The following GRB14 variants were observed in gnomAD, a reference collection of about 807,000 sequenced individuals.
GRB14 encodes the protein growth factor receptor bound protein 14.
A neutral mutation model predicts 69.1 loss-of-function variants in GRB14; 38 were observed. That is an observed-to-expected ratio of 0.55 (90% CI 0.42 to 0.72). The LOEUF (loss-of-function observed/expected upper bound fraction) is 0.72. Among genes scored for constraint, GRB14 ranks in the 30% least tolerant of loss-of-function variants. GRB14 has a pLI of 0.00. For missense variants in GRB14, 666 were observed against 666.1 expected (o/e 1.00, Z 0.00); for synonymous variants, 247 against 241.3 (o/e 1.02, Z -0.22).
intron 8 of GRB14, among the ~76,000 whole-genome samples, chr2:164,505,501 C>G (rs905501073): frequency 3.9e-5 from 6 of 152,162 alleles, no homozygotes; most frequent in Non-Finnish European, 7.3e-5. Flanking sequence ...CAGTGGAACA[C>G]AGCCCCATGC....
At chr2:164,565,872 A>G (rs1208117026) in intron 2 of GRB14, among the ~76,000 whole-genome samples, 1 of 152,180 alleles carries the variant, frequency 6.6e-6, no homozygotes, top group Non-Finnish European at 1.5e-5. Context: ...ATAGATCTAT[A>G]CCACATGAAG....
At chr2:164,506,962 G>C (rs1340484015) in intron 8 of GRB14, among the ~76,000 whole-genome samples, 1 of 152,104 alleles carries the variant, frequency 6.6e-6, no homozygotes, top group Non-Finnish European at 1.5e-5. Context: ...TGATTGCTAG[G>C]GTGTGGGAGT....
At chr2:164,615,297 T>C (rs976961534) in intron 2 of GRB14, among the ~76,000 whole-genome samples, 1 of 152,168 alleles carries the variant, frequency 6.6e-6, no homozygotes, top group African/African-American at 2.4e-5. Flanking sequence ...AAATATTTGA[T>C]AGATTTCTCA....
At chr2:164,548,899 C>T (rs778991889) in intron 2 of GRB14, among the ~76,000 whole-genome samples, 1 of 151,768 alleles carries the variant, frequency 6.6e-6, no homozygotes, top group African/African-American at 2.4e-5. Context: ...GAAGGAGTTT[C>T]ATTCTTTCAC....
At chr2:164,573,881 G>A (rs1689180852) in intron 2 of GRB14, 1 of 1,612,724 alleles carries the variant, frequency 6.2e-7, no homozygotes. Flanking sequence ...AAGACTGGAT[G>A]CCAAGATTGA....
intron 8 of GRB14, among the ~76,000 whole-genome samples, chr2:164,503,442 CAAAAAAAAAAAA>C (rs148268784): frequency 5.7e-4 from 53 of 92,228 alleles, no homozygotes; most frequent in South Asian, 2.0e-3. Context: ...GGTAATTAGG[CAAAAAAAAAAAA>C]AAAAAAAAAA....
At chr2:164,558,525 A>G (rs1300249877) in intron 2 of GRB14, among the ~76,000 whole-genome samples, 1 of 152,190 alleles carries the variant, frequency 6.6e-6, no homozygotes, top group African/African-American at 2.4e-5. Context: ...TGATTTCATC[A>G]AAGCTGTGTT....
chr2:164,517,644 A>G (rs539313565), intron 6 of GRB14, among the ~76,000 whole-genome samples: 56 of 152,190 alleles, frequency 3.7e-4, no homozygotes, highest in Non-Finnish European at 7.8e-4. Context: ...AGGGACTCAC[A>G]TAAACTTAAG....
intron 2 of GRB14, among the ~76,000 whole-genome samples, chr2:164,557,282 G>T (rs1464642881): frequency 6.6e-6 from 1 of 152,122 alleles, no homozygotes; most frequent in African/African-American, 2.4e-5. Context: ...CCTGAGGAGG[G>T]GGTGCCTTCA....
intron 6 of GRB14, among the ~76,000 whole-genome samples, chr2:164,517,252 C>T (rs753464172): frequency 3.9e-5 from 6 of 152,046 alleles, no homozygotes; most frequent in African/African-American, 9.7e-5. Flanking sequence ...TTCACTATCA[C>T]GAGAATAGCA....
At chr2:164,574,782 A>G (rs1022514557) in intron 2 of GRB14, among the ~76,000 whole-genome samples, 3 of 151,944 alleles carry the variant, frequency 2.0e-5, no homozygotes, top group African/African-American at 7.2e-5. Context: ...CTCTCTACAA[A>G]AAATAAAAAA....
At chr2:164,587,388 T>C (rs996383559) in intron 2 of GRB14, among the ~76,000 whole-genome samples, 2 of 152,198 alleles carry the variant, frequency 1.3e-5, no homozygotes, top group African/African-American at 4.8e-5. Flanking sequence ...GTTCATTATC[T>C]AAGGTGAATT....
intron 2 of GRB14, among the ~76,000 whole-genome samples, chr2:164,576,088 G>A (rs1228930386): frequency 6.6e-6 from 1 of 151,088 alleles, no homozygotes; most frequent in African/African-American, 2.4e-5. Flanking sequence ...AAATAAAAAG[G>A]AAGAAAGGAG....
chr2:164,515,528 A>G (rs144009136), intron 6 of GRB14, among the ~76,000 whole-genome samples: 98 of 152,312 alleles, frequency 6.4e-4, no homozygotes, highest in African/African-American at 2.3e-3. Context: ...CACCATATTA[A>G]GGGAGCACCC....
At chr2:164,560,325 G>A (rs538276390) in intron 2 of GRB14, among the ~76,000 whole-genome samples, 7 of 152,040 alleles carry the variant, frequency 4.6e-5, no homozygotes, top group African/African-American at 1.7e-4. Context: ...TCTTCATTTT[G>A]TTTTGTTTTT....
At chr2:164,525,287 C>G (rs150266325) in intron 4 of GRB14, among the ~76,000 whole-genome samples, 8 of 152,124 alleles carry the variant, frequency 5.3e-5, no homozygotes, top group African/African-American at 1.9e-4. Context: ...AGCAAATGCC[C>G]CCAGATAATG....
At chr2:164,510,217 T>C (rs751828528) in intron 6 of GRB14, among the ~76,000 whole-genome samples, 1 of 152,358 alleles carries the variant, frequency 6.6e-6, no homozygotes, top group East Asian at 1.9e-4. Context: ...AGTTCAGTTA[T>C]TCAAACAAGA....
intron 2 of GRB14, among the ~76,000 whole-genome samples, chr2:164,618,825 C>G (rs1354793727): frequency 6.6e-6 from 1 of 152,140 alleles, no homozygotes; most frequent in East Asian, 1.9e-4. Flanking sequence ...GTCTTGTCCT[C>G]GCTGTTCATT....
At chr2:164,541,332 C>T (rs892862570) in intron 3 of GRB14, among the ~76,000 whole-genome samples, 4 of 151,614 alleles carry the variant, frequency 2.6e-5, no homozygotes, top group African/African-American at 4.8e-5. Context: ...ATTAGCTGGG[C>T]GTGGTGGTGG....
Sources: allele counts gnomAD v4.1 joint callset (sites outside exome capture counted in the v4.1 genomes callset), GRCh38; gene constraint gnomAD v4.1.1; transcripts MANE v1.5; gene names NCBI Gene and HGNC (gene_info 2026-07-23, HGNC 2026-07-21).